Variants in ZNF385B observed in about 807,000 individuals in gnomAD.
The protein encoded by ZNF385B is zinc finger protein 385B, also known as zinc finger protein 533.
A neutral mutation model predicts 39.2 loss-of-function variants in ZNF385B; 23 were observed. That is an observed-to-expected ratio of 0.59 (90% CI 0.42 to 0.83). The LOEUF is 0.83. ZNF385B is among the 40% of genes least tolerant of loss of function. The probability of loss-of-function intolerance (pLI) is 0.00; values close to 1 mark genes in which losing one functional copy is unlikely to be tolerated. For synonymous variants in ZNF385B, 205 were observed against 222.6 expected (o/e 0.92, Z 0.70); for missense variants, 552 against 598.9 (o/e 0.92, Z 0.82).
At chr2:179,523,036 A>G (rs1274196989) in intron 4 of ZNF385B, 1 of 259,716 alleles carries the variant, frequency 3.9e-6, no homozygotes, top group East Asian at 1.2e-4. Flanking sequence ...AGCCTGAAAC[A>G]CTAACTAAAA....
In ZNF385B at chr2:179,448,529, C is replaced by G. The variant is rs542297699; in HGVS notation, c.716-1759G>C. Among the ~76,000 whole-genome samples the G allele has an allele frequency of 1.3e-3, 196 of 152,216 alleles. 1 individual carries two copies. The highest frequency in any genetic ancestry group is 2.2e-3 in the Non-Finnish European group (150 of 67,954). On this transcript the variant is annotated intron_variant, in intron 6 of 9. Coordinates refer to ENST00000410066, the MANE Select transcript of ZNF385B (RefSeq NM_152520.6). ...CATATTACTAATAATGTCCCTTATA[C>G]TAATGTCCCTCATAAACCCTTAAAT...
In ZNF385B at chr2:179,495,424, G is replaced by C. The variant is rs538175711; in HGVS notation, c.553-11990C>G. Among the ~76,000 whole-genome samples, 4 of 152,326 alleles carry C rather than the reference G, an allele frequency of 2.6e-5. No individual in the cohort carries two copies. The South Asian group carries it at 6.2e-4, about 24-fold the overall frequency. ...ACTTCTGGACCCACCTGGGAACTGG[G>C]GGACCTCACCGCCCTAAAGGGAAGA... On this transcript the variant is annotated intron_variant, in intron 5 of 9. Transcript: ENST00000410066.
At chr2:179,783,887 G>C (rs923083394) in intron 1 of ZNF385B, among the ~76,000 whole-genome samples, 1 of 152,144 alleles carries the variant, frequency 6.6e-6, no homozygotes, top group African/African-American at 2.4e-5. Flanking sequence ...GGGTAAATTA[G>C]TTCAACCATT....
At chr2:179,534,047 A>C (rs2059417621) in intron 4 of ZNF385B, among the ~76,000 whole-genome samples, 1 of 152,188 alleles carries the variant, frequency 6.6e-6, no homozygotes, top group Non-Finnish European at 1.5e-5. Flanking sequence ...CAGCGGCAGC[A>C]CCTCTGTACT....
chr2:179,609,391 T>G (rs1351599758), intron 3 of ZNF385B, among the ~76,000 whole-genome samples: 1 of 152,230 alleles, frequency 6.6e-6, no homozygotes, highest in Non-Finnish European at 1.5e-5. Flanking sequence ...TTGTTGCAGA[T>G]GACAGGATCT....
chr2:179,493,775 G>GTATACATATGTATATATACATATATGTA (rs1559338211), intron 5 of ZNF385B, among the ~76,000 whole-genome samples: 7 of 77,786 alleles, frequency 9.0e-5, no homozygotes, highest in South Asian at 4.1e-4. Context: ...ATACATATAT[G>GTATACATATGTATATATACATATATGTA]TATATACACA....
chr2:179,591,343 C>T (rs1399754292), intron 3 of ZNF385B, among the ~76,000 whole-genome samples: 1 of 151,752 alleles, frequency 6.6e-6, no homozygotes, highest in African/African-American at 2.4e-5. Flanking sequence ...TATATTAGAA[C>T]ATGTCTTACT....
In ZNF385B at chr2:179,669,223, G is replaced by A. The variant is rs75648401; in HGVS notation, c.298+100280C>T. 4.9e-3 allele frequency among the ~76,000 whole-genome samples: 740 copies of A among 152,296 alleles called. 5 individuals carry two copies. The highest frequency in any genetic ancestry group is 0.017 in the African/African-American group (711 of 41,550). Reference sequence around the variant, plus strand: ...CTTACCCAAGGTTACATAGCTAGGGGAAGTTGAGGAGTGGGGATTTGAAAG... The same window carrying A: ...CTTACCCAAGGTTACATAGCTAGGGAAAGTTGAGGAGTGGGGATTTGAAAG... On this transcript the variant is annotated intron_variant, in intron 3 of 9. Transcript: ENST00000410066.
intron 3 of ZNF385B, among the ~76,000 whole-genome samples, chr2:179,759,811 T>C (rs1004234785): frequency 4.6e-5 from 7 of 152,198 alleles, no homozygotes; most frequent in African/African-American, 1.7e-4. Context: ...ACTTAAGACA[T>C]TGTTCTGTTA....
intron 5 of ZNF385B, 39 bp downstream of exon 5, chr2:179,518,489 C>G (rs1214030158): frequency 7.0e-7 from 1 of 1,431,540 alleles, no homozygotes; most frequent in Non-Finnish European, 9.7e-7. Flanking sequence ...ACTTTTAGCT[C>G]TGACAAACTA....
intron 5 of ZNF385B, among the ~76,000 whole-genome samples, chr2:179,506,950 G>A (rs2057297329): frequency 6.6e-6 from 1 of 152,034 alleles, no homozygotes; most frequent in Non-Finnish European, 1.5e-5. Context: ...CATATTCTCA[G>A]CCCCCAAAGT....
intron 3 of ZNF385B, among the ~76,000 whole-genome samples, chr2:179,687,506 T>C (rs1030408664): frequency 3.9e-5 from 6 of 152,182 alleles, no homozygotes; most frequent in Non-Finnish European, 8.8e-5. Context: ...CCTACCACAC[T>C]GATTTTTTCT....
chr2:179,477,399 T>C (rs966150360), intron 6 of ZNF385B, among the ~76,000 whole-genome samples: 1 of 152,182 alleles, frequency 6.6e-6, no homozygotes, highest in Non-Finnish European at 1.5e-5. Flanking sequence ...AAGCACAATA[T>C]ACTGAAAACT....
chr2:179,476,254 A>G (rs750631397), intron 6 of ZNF385B, among the ~76,000 whole-genome samples: 1 of 152,232 alleles, frequency 6.6e-6, no homozygotes, highest in African/African-American at 2.4e-5. Context: ...ATACATTTAC[A>G]GAATTATTCA....
At chr2:179,617,197 TAGA>T (rs1279076312) in intron 3 of ZNF385B, among the ~76,000 whole-genome samples, 1 of 152,236 alleles carries the variant, frequency 6.6e-6, no homozygotes, top group Non-Finnish European at 1.5e-5. Flanking sequence ...CTCTGTCAAA[TAGA>T]AGACTTCTGA....
intron 6 of ZNF385B, among the ~76,000 whole-genome samples, chr2:179,463,089 TG>T (rs2051539529): frequency 1.3e-5 from 2 of 152,064 alleles, no homozygotes; most frequent in Non-Finnish European, 2.9e-5. Flanking sequence ...TATAAAGACA[TG>T]ATTATATAAA....
intron 3 of ZNF385B, among the ~76,000 whole-genome samples, chr2:179,757,254 A>G (rs1360475669): frequency 6.6e-6 from 1 of 152,236 alleles, no homozygotes. Flanking sequence ...CCTGGGTATC[A>G]GCAGCGGAGG....
At chr2:179,607,467 T>C (rs6728581) in intron 3 of ZNF385B, among the ~76,000 whole-genome samples, 50,428 of 151,994 alleles carry the variant, frequency 0.33, 8,621 homozygotes, top group Middle Eastern at 0.46. Context: ...GCTGCCATGA[T>C]TGTAAGTTTC....
At chr2:179,607,982 C>T (rs1574967332) in intron 3 of ZNF385B, among the ~76,000 whole-genome samples, 1 of 144,000 alleles carries the variant, frequency 6.9e-6, no homozygotes. Context: ...TGGCGCAATC[C>T]TGGCTCACTG....
Sources: gnomAD v4.1 joint callset for allele counts (sites outside exome capture counted in the v4.1 genomes callset) on GRCh38, gnomAD v4.1.1 for gene constraint, MANE v1.5 for transcripts, NCBI Gene and HGNC (gene_info 2026-07-23, HGNC 2026-07-21) for gene names.